The following KCNN1 variants were observed in gnomAD, a reference collection of about 807,000 sequenced individuals.
KCNN1 encodes small conductance calcium-activated potassium channel protein 1.
In KCNN1, 20 loss-of-function variants were observed where a neutral mutation model predicts 44.7. That is an observed-to-expected ratio of 0.45 (90% CI 0.32 to 0.65). KCNN1 has a LOEUF of 0.65. Ranked by LOEUF, KCNN1 falls within the 30% of genes least tolerant of loss-of-function variation. The pLI is 0.05. For missense variants in KCNN1, 632 were observed against 785.3 expected, an observed-to-expected ratio of 0.80 and a Z score of 2.33; for synonymous variants, 324 against 341.7, an observed-to-expected ratio of 0.95 and a Z score of 0.57.
At chr19:17,994,264 G>A (rs1182359921) in intron 9 of KCNN1, among the ~76,000 whole-genome samples, 2 of 151,866 alleles carry the variant, frequency 1.3e-5, no homozygotes, top group Admixed American at 1.3e-4. Context: ...GGGCAGCACA[G>A]AGAGACCCCA....
chr19:17,993,424 C>T lies in KCNN1; in HGVS notation c.1308-66C>T. 1 of 1,247,182 alleles carries T rather than the reference C, an allele frequency of 8.0e-7. No homozygotes were observed. 77.3% of individuals were successfully genotyped at this position (1,247,182 alleles called of 1,614,324 possible). A position where few individuals can be genotyped will look rare whatever the true frequency, so the allele number is the denominator to read the frequency against. On this transcript the variant is annotated intron_variant, in intron 8 of 9. Coordinates refer to ENST00000684775, the MANE Select transcript of KCNN1 (RefSeq NM_001386974.1). The surrounding 1 kb of genome is among the most constrained non-coding windows in gnomAD (Gnocchi z 4.5). ...GACCCCGGGTGGGTGCATGAAAGTC[C>T]CTGCCCCCACTGCAGCCTCCACGGG...
chr19:17,961,329 C>T (rs554144601), intron 2 of KCNN1, among the ~76,000 whole-genome samples: 1 of 151,948 alleles, frequency 6.6e-6, no homozygotes, highest in Non-Finnish European at 1.5e-5. Flanking sequence ...ATAATCCCAG[C>T]ACTTTGGGAG....
chr19:17,953,840 G>A (rs553069804), intron 1 of KCNN1, among the ~76,000 whole-genome samples: 13 of 152,326 alleles, frequency 8.5e-5, no homozygotes, highest in African/African-American at 3.1e-4. Flanking sequence ...GAAGGTGGGA[G>A]GATCGCTTGA....
chr19:17,984,030 G>T (rs1395474106), intron 4 of KCNN1, among the ~76,000 whole-genome samples: 2 of 152,030 alleles, frequency 1.3e-5, no homozygotes, highest in Non-Finnish European at 2.9e-5. Context: ...GGGCATGGTG[G>T]CGGGCGCGTG....
rs2033058720 is a variant in KCNN1, at chr19:17,998,064, T to C, written c.1378-88T>C. 7.1e-7 allele frequency: 1 copy of C among 1,406,930 alleles called. No homozygotes were observed. Among genetic ancestry groups the C allele is most frequent in the Admixed American group, 2.5e-5 (1 of 40,556 alleles). 87.2% of individuals were successfully genotyped at this position (1,406,930 alleles called of 1,614,324 possible). On this transcript the variant is annotated intron_variant, in intron 9 of 9. Transcript: ENST00000684775. The surrounding 1 kb of genome is among the most constrained non-coding windows in gnomAD (Gnocchi z 5.4). ...TGGCACCCACCTGGAGCGTGTGGGC[T>C]GTCCCTCTCTGTCATTGGTGTCGTG...
chr19:17,971,506 A>C (rs1186298045), intron 1 of KCNN1, among the ~76,000 whole-genome samples: 2 of 151,836 alleles, frequency 1.3e-5, no homozygotes, highest in Non-Finnish European at 2.9e-5. Context: ...CTTGTTGCCC[A>C]GGCTGGAGTG....
In KCNN1 at chr19:17,974,242, C is replaced by A. The variant is rs781062974; in HGVS notation, c.354C>A (p.Ile118=). The A allele has an allele frequency of 3.1e-6, 5 of 1,608,044 alleles. No homozygotes were observed. Among genetic ancestry groups the A allele is most frequent in the Non-Finnish European group, 4.3e-6 (5 of 1,176,190 alleles). ...DYALIFGMFG[I]VVMVTETELS... Reference sequence around the variant, plus strand: ...CCCTCATTTTCGGCATGTTTGGCATCGTCGTCATGGTGACGGAGACCGAGC... The same window carrying A: ...CCCTCATTTTCGGCATGTTTGGCATAGTCGTCATGGTGACGGAGACCGAGC... Residue 118 remains isoleucine, a synonymous_variant, in exon 2 of 10, where the codon ATC becomes ATA. Coordinates refer to ENST00000684775, the MANE Select transcript of KCNN1 (RefSeq NM_001386974.1). This position sits in a 1 kb window ranked among gnomAD's most constrained non-coding sequence, Gnocchi z 7.3.
chr19:17,967,670 G>A (rs2031863324), intron 1 of KCNN1, among the ~76,000 whole-genome samples: 1 of 151,886 alleles, frequency 6.6e-6, no homozygotes, highest in Non-Finnish European at 1.5e-5. Flanking sequence ...GGAGGGAGGT[G>A]ACCCACCACT....
At chr19:17,976,590 G>T (rs901318760) in intron 3 of KCNN1, among the ~76,000 whole-genome samples, 1 of 151,644 alleles carries the variant, frequency 6.6e-6, no homozygotes, top group African/African-American at 2.4e-5. Flanking sequence ...AGCTAATTTT[G>T]TATTTTTAGT....
chr19:17,983,697 G>A lies in KCNN1; in HGVS notation c.917+1570G>A, dbSNP rs796568849. ...GCCTGCCTCGCTCTGACCCACCCCC[G>A]CCTCCCGCATGTCCCCCAGCCGTGC... On this transcript the variant is annotated intron_variant, in intron 4 of 9. Coordinates refer to ENST00000684775, the MANE Select transcript of KCNN1 (RefSeq NM_001386974.1). This position sits in a 1 kb window ranked among gnomAD's most constrained non-coding sequence, Gnocchi z 4.5. 4.7e-5 allele frequency among the ~76,000 whole-genome samples: 7 copies of A among 150,170 alleles called. No homozygotes were observed. The highest frequency in any genetic ancestry group is 1.2e-4 in the African/African-American group (5 of 40,780).
Position 17,989,954 on chromosome 19 carries a change from T to C in KCNN1, c.1298+111T>C, listed in dbSNP as rs536164676. ...CTCCCTGCCAGGGACGGGTGGTCAG[T>C]TGGTTGGGGCCTGCATCTTCTGAGC... is the stretch of plus-strand genomic sequence containing the variant. On this transcript the variant is annotated intron_variant, in intron 7 of 9. Transcript: ENST00000684775. The C allele has an allele frequency of 2.0e-6, 3 of 1,509,354 alleles. No individual in the cohort carries two copies. The East Asian group carries it at 6.8e-5, about 34-fold the overall frequency. 93.5% of individuals were successfully genotyped at this position (1,509,354 alleles called of 1,614,324 possible).
intron 2 of KCNN1, among the ~76,000 whole-genome samples, chr19:17,957,475 C>T (rs561851484): frequency 6.6e-6 from 1 of 152,130 alleles, no homozygotes; most frequent in Non-Finnish European, 1.5e-5. Flanking sequence ...TCAGAGAGGC[C>T]TCTCTAGGGC....
chr19:17,992,869 C>T (rs1257561994), intron 7 of KCNN1, among the ~76,000 whole-genome samples, 185 bp from the exon 8 acceptor site: 1 of 152,186 alleles, frequency 6.6e-6, no homozygotes, highest in Non-Finnish European at 1.5e-5. Flanking sequence ...GAGGGGCTGG[C>T]ACAGAACCCT....
At position 17,998,305 on chromosome 19, in the gene KCNN1, C is replaced by A; in HGVS notation, c.1531C>A (p.Pro511Thr). Residue 511 changes from proline to threonine, a missense_variant, in exon 10 of 10, where the codon CCG becomes ACG. Around this residue, in one of 3 missense-constraint regions of KCNN1, gnomAD observed 237 missense variants for 253.0 expected, o/e 0.94. Transcript: ENST00000684775. This position sits in a 1 kb window ranked among gnomAD's most constrained non-coding sequence, Gnocchi z 5.4. ...GLIAQAIRPP[P>T]PPLPPRPGPG... ...CATCGCCCAAGCCATACGCCCACCC[C>A]CGCCTCCCCTGCCTCCCAGGCCCGG... 6.5e-7 allele frequency: 1 copy of A among 1,543,170 alleles called. No individual in the cohort carries two copies. The highest frequency in any genetic ancestry group is 2.2e-4 in the Middle Eastern group (1 of 4,574).
chr19:17,961,011 C>A (rs2031662509), intron 2 of KCNN1, among the ~76,000 whole-genome samples: 1 of 151,944 alleles, frequency 6.6e-6, no homozygotes, highest in Non-Finnish European at 1.5e-5. Context: ...CATGGTGAAA[C>A]CCCGTCTCTA....
intron 1 of KCNN1, among the ~76,000 whole-genome samples, chr19:17,971,802 C>G (rs1307446245): frequency 6.6e-6 from 1 of 151,868 alleles, no homozygotes; most frequent in Non-Finnish European, 1.5e-5. Flanking sequence ...ACAGTTTCCC[C>G]ATCTGTAAAA....
At position 17,993,606 on chromosome 19, in the gene KCNN1, C is replaced by G. The variant is rs778124302; in HGVS notation, c.1377+47C>G. On this transcript the variant is annotated intron_variant, in intron 9 of 9. Coordinates refer to ENST00000684775, the MANE Select transcript of KCNN1 (RefSeq NM_001386974.1). This position sits in a 1 kb window ranked among gnomAD's most constrained non-coding sequence, Gnocchi z 4.5. ...GGGCCAGACAGGGCAGGTGGGGCCC[C>G]GGAGCAGATGGGATGGGGCTCAGCT... The G allele has an allele frequency of 2.2e-5, 33 of 1,475,526 alleles. No homozygotes were observed. Among genetic ancestry groups the G allele is most frequent in the Non-Finnish European group, 3.1e-5 (33 of 1,056,816 alleles). 91.4% of individuals were successfully genotyped at this position (1,475,526 alleles called of 1,614,324 possible). A position where few individuals can be genotyped will look rare whatever the true frequency, so the allele number is the denominator to read the frequency against.
rs770975235 is a variant in KCNN1, at chr19:17,973,922, C to T, written c.34C>T (p.Arg12Trp). ...CCACAGCTACAATGGCAGCGTGGGG[C>T]GGCCGCTGGGCAGCGGGCCGGGCGC... ...NSHSYNGSVG[R>W]PLGSGPGALG... The change falls in exon 2 of 10, where the codon CGG becomes TGG. Residue 12 changes from arginine to tryptophan, a missense_variant. Physicochemically the swap from Arg to Trp is moderately radical, Grantham distance 101. Coordinates refer to ENST00000684775, the MANE Select transcript of KCNN1 (RefSeq NM_001386974.1). The T allele has an allele frequency of 1.2e-5, 18 of 1,554,536 alleles. No homozygotes were observed. Among genetic ancestry groups the T allele is most frequent in the East Asian group, 2.4e-5 (1 of 41,342 alleles).
At position 17,993,802 on chromosome 19, in the gene KCNN1, T is replaced by A. The variant is rs2032886525; in HGVS notation, c.1377+243T>A. ...GGCGGGCGCCTTTAATCCCAGCTAC[T>A]TGGGGGCTGAGGGAGGAGAATCGCT... On this transcript the variant is annotated intron_variant, in intron 9 of 9. Transcript: ENST00000684775. This position sits in a 1 kb window ranked among gnomAD's most constrained non-coding sequence, Gnocchi z 4.5. Among the ~76,000 whole-genome samples, 1 of 151,862 alleles carries A rather than the reference T, an allele frequency of 6.6e-6. No homozygotes were observed. The highest frequency in any genetic ancestry group is 2.1e-4 in the South Asian group (1 of 4,810).
Sources: allele counts gnomAD v4.1 joint callset (sites outside exome capture counted in the v4.1 genomes callset), GRCh38; gene constraint gnomAD v4.1.1; regional missense constraint gnomAD v4.1.1; non-coding constraint Gnocchi (gnomAD v3.1); transcripts MANE v1.5; gene names NCBI Gene and HGNC (gene_info 2026-07-23, HGNC 2026-07-21).